The following SLCO6A1 variants were observed in gnomAD, a reference collection of about 807,000 sequenced individuals.
SLCO6A1 encodes solute carrier organic anion transporter family member 6A1, also known as cancer/testis antigen 48.
SLCO6A1 carries 65 observed loss-of-function variants against 72.7 expected under a neutral mutation model. The ratio of observed to expected loss-of-function variants is 0.89; its 90% confidence interval spans 0.73 to 1.10. The LOEUF is 1.10. Among genes scored for constraint, SLCO6A1 ranks in the 50% least tolerant of loss-of-function variants. The probability of loss-of-function intolerance (pLI) is 0.00; values close to 1 mark genes in which losing one functional copy is unlikely to be tolerated. For synonymous variants in SLCO6A1, 314 were observed against 298.2 expected, an observed-to-expected ratio of 1.05 and a Z score of -0.55; for missense variants, 874 against 872.6, an observed-to-expected ratio of 1.00 and a Z score of -0.02.
intron 9 of SLCO6A1, among the ~76,000 whole-genome samples, chr5:102,405,994 G>A (rs908334056): frequency 2.0e-5 from 3 of 152,004 alleles, no homozygotes; most frequent in African/African-American, 7.2e-5. Context: ...ACTGTGAAAT[G>A]TTATATAATC....
rs185458295 is a variant in SLCO6A1, at chr5:102,453,098, T to G, written c.1131+5284A>C. On this transcript the variant is annotated intron_variant, in intron 6 of 13. Transcript: ENST00000506729. ...GGAAACTTTGGTTATGTAGTCCCCC[T>G]AATTTTTTGTGCAATTCTTCCCCTA... Among the ~76,000 whole-genome samples the G allele has an allele frequency of 2.0e-5, 3 of 152,328 alleles. No individual in the cohort carries two copies. The East Asian group carries it at 5.8e-4, about 29-fold the overall frequency.
At position 102,465,974 on chromosome 5, in the gene SLCO6A1, A is replaced by G. The variant is rs1751289324; in HGVS notation, c.900-6197T>C. ...CAGAAACCCATTCCTCCCCCACCAG[A>G]AACTCAGAATATTCACATTATTTAG... On this transcript the variant is annotated intron_variant, in intron 4 of 13. Coordinates refer to ENST00000506729, the MANE Select transcript of SLCO6A1 (RefSeq NM_173488.5). Among the ~76,000 whole-genome samples, 4 of 152,098 alleles carry G rather than the reference A, an allele frequency of 2.6e-5. No individual in the cohort carries two copies. In the South Asian group the frequency reaches 8.3e-4, roughly 31 times the overall value.
At chr5:102,455,947 C>T (rs774330014) in intron 6 of SLCO6A1, among the ~76,000 whole-genome samples, 2 of 152,124 alleles carry the variant, frequency 1.3e-5, no homozygotes, top group African/African-American at 2.4e-5. Context: ...AAGGCTGGTA[C>T]AACATATGCA....
intron 12 of SLCO6A1, among the ~76,000 whole-genome samples, chr5:102,377,530 C>T (rs1745865314): frequency 6.6e-6 from 1 of 151,824 alleles, no homozygotes; most frequent in Non-Finnish European, 1.5e-5. Context: ...GGTGTTTCCA[C>T]AAGGGTACTC....
chr5:102,467,968 A>G (rs1033337949), intron 4 of SLCO6A1, among the ~76,000 whole-genome samples: 3 of 152,006 alleles, frequency 2.0e-5, no homozygotes, highest in African/African-American at 7.2e-5. Flanking sequence ...TAGGCATTTA[A>G]TGCTATAAAC....
At chr5:102,472,864 A>C (rs1751698615) in intron 4 of SLCO6A1, among the ~76,000 whole-genome samples, 1 of 152,024 alleles carries the variant, frequency 6.6e-6, no homozygotes, top group Non-Finnish European at 1.5e-5. Context: ...TATCCCAACA[A>C]ATTAGATAAC....
chr5:102,472,344 A>G (rs1323906681), intron 4 of SLCO6A1, among the ~76,000 whole-genome samples: 1 of 152,144 alleles, frequency 6.6e-6, no homozygotes, highest in African/African-American at 2.4e-5. Flanking sequence ...GATAGTTTCC[A>G]GGTAGTACCT....
intron 1 of SLCO6A1, among the ~76,000 whole-genome samples, chr5:102,487,991 T>C (rs1410787878): frequency 1.3e-5 from 2 of 152,158 alleles, no homozygotes; most frequent in African/African-American, 4.8e-5. Flanking sequence ...AATAAACTAT[T>C]AATAATAATA....
intron 12 of SLCO6A1, among the ~76,000 whole-genome samples, chr5:102,374,077 ACC>A (rs539782329): frequency 1.9e-3 from 285 of 151,374 alleles, no homozygotes; most frequent in African/African-American, 6.5e-3. Context: ...TCACTCTGTC[ACC>A]CAGGCTGGAG....
At chr5:102,491,552 G>A (rs1752677210) in intron 1 of SLCO6A1, among the ~76,000 whole-genome samples, 1 of 152,222 alleles carries the variant, frequency 6.6e-6, no homozygotes, top group South Asian at 2.1e-4. Context: ...GGCAGCTAAG[G>A]CCCCGCGAGA....
chr5:102,435,558 C>T (rs994090227), intron 7 of SLCO6A1, among the ~76,000 whole-genome samples: 2 of 152,084 alleles, frequency 1.3e-5, no homozygotes, highest in African/African-American at 4.8e-5. Flanking sequence ...TATTTCCATT[C>T]AACACACATC....
chr5:102,429,291 GA>G (rs1749082184), intron 7 of SLCO6A1, among the ~76,000 whole-genome samples: 1 of 152,192 alleles, frequency 6.6e-6, no homozygotes, highest in African/African-American at 2.4e-5. Flanking sequence ...TTGCTGTGCA[GA>G]AGCTCTTAAG....
At chr5:102,491,947 AGGCCTCAGGGAGGC>A (rs1752702300) in intron 1 of SLCO6A1, among the ~76,000 whole-genome samples, 1 of 152,256 alleles carries the variant, frequency 6.6e-6, no homozygotes, top group Non-Finnish European at 1.5e-5. Flanking sequence ...ATGGCTGGGG[AGGCCTCAGGGAGGC>A]CTCAGGAAGC....
intron 8 of SLCO6A1, among the ~76,000 whole-genome samples, chr5:102,416,100 G>T (rs1046538838): frequency 6.6e-6 from 1 of 151,934 alleles, no homozygotes; most frequent in African/African-American, 2.4e-5. Context: ...GCTTCTACAC[G>T]GTTGGTGGGA....
At chr5:102,441,315 G>T (rs111822394) in intron 6 of SLCO6A1, among the ~76,000 whole-genome samples, 61 of 152,188 alleles carry the variant, frequency 4.0e-4, no homozygotes, top group African/African-American at 1.3e-3. Context: ...AGCCCAATTG[G>T]CTATCACATC....
At chr5:102,435,666 G>C (rs990185208) in intron 7 of SLCO6A1, among the ~76,000 whole-genome samples, 3 of 152,128 alleles carry the variant, frequency 2.0e-5, no homozygotes, top group African/African-American at 4.8e-5. Flanking sequence ...CCTGATGTCG[G>C]GAGTTCGCGA....
chr5:102,459,928 T>C, intron 4 of SLCO6A1, 151 bp from the exon 5 acceptor site: 1 of 580,214 alleles, frequency 1.7e-6, no homozygotes. Flanking sequence ...TTGTTACTAT[T>C]GTTTGTTTTG....
At chr5:102,459,886 AGT>A in intron 4 of SLCO6A1, 109 bp from the exon 5 acceptor site, 1 of 927,380 alleles carries the variant, frequency 1.1e-6, no homozygotes, top group African/African-American at 1.7e-5. Context: ...AGGGTTGGAG[AGT>A]GAGACAGAAA....
Position 102,477,814 on chromosome 5 carries a change from T to C in SLCO6A1, c.664A>G (p.Ile222Val), listed in dbSNP as rs927237509. Residue 222 changes from isoleucine to valine, a missense_variant, in exon 3 of 14, where the codon ATA becomes GTA. Coordinates refer to ENST00000506729, the MANE Select transcript of SLCO6A1 (RefSeq NM_173488.5). ...GACAGGTATTTTGATTGGAATGATATACCACTGCTCTGGCAACCACTGACA... is the reference window on the plus strand; with the variant it reads ...GACAGGTATTTTGATTGGAATGATACACCACTGCTCTGGCAACCACTGACA... The part of the protein sequence containing the change: ...KVVSGCQSSG[I>V]SFQSKYLSFF... The C allele has an allele frequency of 6.2e-7, 1 of 1,613,622 alleles. No individual in the cohort carries two copies. The highest frequency in any genetic ancestry group is 2.2e-5 in the East Asian group (1 of 44,870).
Sources: gnomAD v4.1 joint callset for allele counts (sites outside exome capture counted in the v4.1 genomes callset) on GRCh38, gnomAD v4.1.1 for gene constraint, MANE v1.5 for transcripts, NCBI Gene and HGNC (gene_info 2026-07-23, HGNC 2026-07-21) for gene names.